ARHGAP26: variants seen among roughly 807,000 people sequenced by gnomAD.
ARHGAP26 encodes rho GTPase-activating protein 26.
Under a neutral mutation model 104.8 loss-of-function variants are expected in ARHGAP26, and 38 were observed. That is an observed-to-expected ratio of 0.36 (90% CI 0.28 to 0.48). The LOEUF (loss-of-function observed/expected upper bound fraction) is 0.48, where lower values mean the gene tolerates loss of function less well. Among genes scored for constraint, ARHGAP26 ranks in the 20% least tolerant of loss-of-function variants. The probability of loss-of-function intolerance (pLI) is 0.99; values close to 1 mark genes in which losing one functional copy is unlikely to be tolerated. For synonymous variants in ARHGAP26, 341 were observed against 340.0 expected, an observed-to-expected ratio of 1.00 and a Z score of -0.03; for missense variants, 704 against 947.9, an observed-to-expected ratio of 0.74 and a Z score of 3.38.
chr5:143,052,165 C>A (rs1785133845), intron 14 of ARHGAP26, among the ~76,000 whole-genome samples: 1 of 152,102 alleles, frequency 6.6e-6, no homozygotes, highest in African/African-American at 2.4e-5. Flanking sequence ...TGTTCTGTAG[C>A]CCCAGAAATA....
chr5:143,072,693 C>T (rs1362552549), intron 17 of ARHGAP26, among the ~76,000 whole-genome samples: 3 of 151,586 alleles, frequency 2.0e-5, no homozygotes, highest in Admixed American at 6.6e-5. Context: ...TAAAAAAGGT[C>T]GATCTCATAG....
intron 1 of ARHGAP26, among the ~76,000 whole-genome samples, chr5:142,804,376 G>A (rs532640714): frequency 5.3e-4 from 80 of 152,294 alleles, no homozygotes; most frequent in Middle Eastern, 6.8e-3. Context: ...GATGCTTCTG[G>A]GAAGCTAGTT....
chr5:142,850,081 C>T (rs964557031), intron 1 of ARHGAP26, among the ~76,000 whole-genome samples: 13 of 152,236 alleles, frequency 8.5e-5, no homozygotes, highest in Non-Finnish European at 2.9e-5. Flanking sequence ...CTGCTGCCTC[C>T]TGCAGCCTCA....
At chr5:143,210,159 C>T (rs976209266) in intron 21 of ARHGAP26, among the ~76,000 whole-genome samples, 5 of 152,076 alleles carry the variant, frequency 3.3e-5, no homozygotes, top group East Asian at 1.9e-4. Flanking sequence ...AAGAAAAAGA[C>T]GTTTAACGGA....
intron 11 of ARHGAP26, among the ~76,000 whole-genome samples, chr5:142,977,785 C>T (rs1213432314): frequency 6.6e-6 from 1 of 152,184 alleles, no homozygotes; most frequent in African/African-American, 2.4e-5. Context: ...CAAAAATTCA[C>T]GGAGGAAGTC....
At chr5:143,188,427 T>G in intron 20 of ARHGAP26, among the ~76,000 whole-genome samples, 1 of 152,256 alleles carries the variant, frequency 6.6e-6, no homozygotes, top group East Asian at 1.9e-4. Context: ...AAAGTACATT[T>G]GATTTTCTTT....
intron 1 of ARHGAP26, among the ~76,000 whole-genome samples, chr5:142,835,406 C>G (rs956560035): frequency 6.6e-6 from 1 of 152,148 alleles, no homozygotes; most frequent in South Asian, 2.1e-4. Flanking sequence ...GTCTTGCAAT[C>G]TTTATCAAAG....
rs761442291 is a variant in ARHGAP26 at position 143,207,278 on chromosome 5, C to A, written c.2069C>A (p.Ser690Ter). 1 of 1,614,202 alleles carries A rather than the reference C, an allele frequency of 6.2e-7. No homozygotes were observed. Among genetic ancestry groups the A allele is most frequent in the South Asian group, 1.1e-5 (1 of 91,078 alleles). ...GCGCCATCCAGCCCTATGCCCACCT[C>A]ATCCACGTCCAGCGACTCATCCCCC... ...FSAPSSPMPTSSTSSDSSPVS... is the reference protein window; with the variant it reads ...FSAPSSPMPT The change falls in exon 21 of 23, where the codon TCA (serine) becomes TAA (stop). Residue 690 changes from serine to a stop codon, truncating the protein, a stop_gained. Coordinates refer to ENST00000645722, the MANE Select transcript of ARHGAP26 (RefSeq NM_001135608.3). LOFTEE classifies it high-confidence loss of function.
chr5:143,182,101 G>C (rs1750913875), intron 20 of ARHGAP26, among the ~76,000 whole-genome samples: 1 of 152,148 alleles, frequency 6.6e-6, no homozygotes, highest in East Asian at 1.9e-4. Flanking sequence ...GCTATAGCCT[G>C]CCCTGACCCT....
chr5:142,959,164 G>A (rs988151818), intron 11 of ARHGAP26, among the ~76,000 whole-genome samples: 1 of 152,130 alleles, frequency 6.6e-6, no homozygotes, highest in Admixed American at 6.5e-5. Flanking sequence ...TTAATTTTAT[G>A]CTCCATTATG....
At chr5:142,971,757 C>A (rs554612641) in intron 11 of ARHGAP26, among the ~76,000 whole-genome samples, 1 of 152,170 alleles carries the variant, frequency 6.6e-6, no homozygotes, top group South Asian at 2.1e-4. Context: ...ATACCCTCAA[C>A]TTTTTCAATT....
chr5:143,218,067 G>A (rs1008403667), intron 22 of ARHGAP26, among the ~76,000 whole-genome samples: 3 of 152,002 alleles, frequency 2.0e-5, no homozygotes, highest in Non-Finnish European at 4.4e-5. Context: ...AATCCAACCC[G>A]CCACCTGTTT....
intron 1 of ARHGAP26, among the ~76,000 whole-genome samples, chr5:142,841,470 C>T (rs1770787758): frequency 1.3e-5 from 2 of 152,308 alleles, no homozygotes; most frequent in South Asian, 4.1e-4. Flanking sequence ...TGCAGCGGTT[C>T]CTGCAGTGTA....
chr5:142,937,046 TTGTG>T (rs1327743223), intron 11 of ARHGAP26, among the ~76,000 whole-genome samples: 1 of 152,162 alleles, frequency 6.6e-6, no homozygotes, highest in Non-Finnish European at 1.5e-5. Flanking sequence ...CGCTTTTGCT[TTGTG>T]TGTGAAAGAC....
intron 20 of ARHGAP26, among the ~76,000 whole-genome samples, chr5:143,199,797 G>T (rs1242546906): frequency 6.6e-6 from 1 of 152,218 alleles, no homozygotes; most frequent in Non-Finnish European, 1.5e-5. Flanking sequence ...GTCTGACACT[G>T]TGGAGACTCT....
intron 12 of ARHGAP26, among the ~76,000 whole-genome samples, chr5:143,033,291 A>G (rs1000200850): frequency 1.3e-5 from 2 of 152,372 alleles, no homozygotes; most frequent in Non-Finnish European, 2.9e-5. Flanking sequence ...TAACGCTGGG[A>G]AAACCAAAGG....
chr5:142,877,782 G>A (rs1182374513), intron 3 of ARHGAP26, among the ~76,000 whole-genome samples: 1 of 152,190 alleles, frequency 6.6e-6, no homozygotes, highest in Non-Finnish European at 1.5e-5. Context: ...GTTAGTTGGA[G>A]TGTAGCCTAA....
intron 17 of ARHGAP26, among the ~76,000 whole-genome samples, chr5:143,106,321 G>A (rs893277321): frequency 2.0e-5 from 3 of 152,162 alleles, no homozygotes; most frequent in Non-Finnish European, 4.4e-5. Context: ...GCAGCCAGAA[G>A]CCACAGGGTG....
chr5:143,081,774 G>A (rs1789851249), intron 17 of ARHGAP26, among the ~76,000 whole-genome samples: 1 of 152,164 alleles, frequency 6.6e-6, no homozygotes, highest in Admixed American at 6.5e-5. Flanking sequence ...AGCACTCTGG[G>A]AGGCCGAGGC....
Sources: allele counts gnomAD v4.1 joint callset (sites outside exome capture counted in the v4.1 genomes callset), GRCh38; gene constraint gnomAD v4.1.1; transcripts MANE v1.5; gene names NCBI Gene and HGNC (gene_info 2026-07-23, HGNC 2026-07-21).